ADAM18: variants seen among roughly 807,000 people sequenced by gnomAD.
The protein encoded by ADAM18 is disintegrin and metalloproteinase domain-containing protein 18.
A neutral mutation model predicts 94.4 loss-of-function variants in ADAM18; 117 were observed. The ratio of observed to expected loss-of-function variants is 1.24; its 90% confidence interval spans 1.07 to 1.45. ADAM18 has a LOEUF of 1.45. ADAM18 is among the 40% of genes most tolerant of loss of function. The probability of loss-of-function intolerance (pLI) is 0.00; values close to 1 mark genes in which losing one functional copy is unlikely to be tolerated. For synonymous variants in ADAM18, 327 were observed against 291.6 expected, an observed-to-expected ratio of 1.12 and a Z score of -1.24; for missense variants, 936 against 880.0, an observed-to-expected ratio of 1.06 and a Z score of -0.81.
intron 12 of ADAM18, among the ~76,000 whole-genome samples, chr8:39,654,155 T>G (rs900121025): frequency 2.1e-5 from 3 of 141,668 alleles, no homozygotes; most frequent in Non-Finnish European, 4.6e-5. Flanking sequence ...ATTTCATTCC[T>G]TTTTTTTTTT....
At chr8:39,593,876 T>C (rs1014541763) in intron 2 of ADAM18, among the ~76,000 whole-genome samples, 1 of 152,186 alleles carries the variant, frequency 6.6e-6, no homozygotes, top group Non-Finnish European at 1.5e-5. Flanking sequence ...TTCAATATTA[T>C]TGCTTTCAGC....
intron 5 of ADAM18, among the ~76,000 whole-genome samples, 194 bp from the exon 6 acceptor site, chr8:39,610,335 C>G (rs1470851168): frequency 6.6e-6 from 1 of 151,976 alleles, no homozygotes; most frequent in East Asian, 1.9e-4. Context: ...AAAATTTAAG[C>G]AAAACGAAGC....
chr8:39,609,352 T>C (rs1335085321), intron 4 of ADAM18, 133 bp from the exon 5 acceptor site: 12 of 702,004 alleles, frequency 1.7e-5, no homozygotes, highest in African/African-American at 7.2e-5. Context: ...TCTTTTTTTT[T>C]CTGAAAATAT....
intron 6 of ADAM18, among the ~76,000 whole-genome samples, chr8:39,612,862 A>G (rs570251235): frequency 6.6e-6 from 1 of 152,158 alleles, no homozygotes; most frequent in South Asian, 2.1e-4. Context: ...TCTTGCCAAC[A>G]TGCATGTGCT....
Position 39,703,693 on chromosome 8 carries a change from G to C in ADAM18, c.1903-3097G>C, listed in dbSNP as rs189537430. 5.3e-5 allele frequency among the ~76,000 whole-genome samples: 8 copies of C among 152,056 alleles called. 1 individual carries two copies. In the East Asian group the frequency reaches 7.7e-4, roughly 15 times the overall value. Reference sequence around the variant, plus strand: ...TTTATTGAGAGTTTTTAACTTGAAGGGATGTTGAATTTTATCAGAAGTCTT... The same window carrying C: ...TTTATTGAGAGTTTTTAACTTGAAGCGATGTTGAATTTTATCAGAAGTCTT... On this transcript the variant is annotated intron_variant, in intron 17 of 19. Coordinates refer to ENST00000265707, the MANE Select transcript of ADAM18 (RefSeq NM_014237.3).
intron 16 of ADAM18, 53 bp downstream of exon 16, chr8:39,680,279 A>G: frequency 6.7e-7 from 1 of 1,487,046 alleles, no homozygotes; most frequent in South Asian, 1.2e-5. Context: ...GTGAATTATC[A>G]GATACTGCAT....
chr8:39,628,786 CAT>C (rs1447921514), intron 6 of ADAM18, among the ~76,000 whole-genome samples: 1 of 151,980 alleles, frequency 6.6e-6, no homozygotes, highest in Non-Finnish European at 1.5e-5. Flanking sequence ...AGGTGATAAT[CAT>C]ATGAGTACAC....
chr8:39,687,494 G>A (rs915047566), intron 16 of ADAM18, among the ~76,000 whole-genome samples: 3 of 152,066 alleles, frequency 2.0e-5, no homozygotes, highest in South Asian at 2.1e-4. Context: ...AGGTTCAGGA[G>A]GCATATGTGC....
Position 39,629,421 on chromosome 8 carries a change from T to C in ADAM18, c.570T>C (p.Ile190=), listed in dbSNP as rs1819870787. 1 of 1,583,254 alleles carries C rather than the reference T, an allele frequency of 6.3e-7. No homozygotes were observed. Among genetic ancestry groups the C allele is most frequent in the Non-Finnish European group, 8.6e-7 (1 of 1,163,630 alleles). Residue 190 remains isoleucine (I), a synonymous_variant, in exon 7 of 20, where the codon ATT becomes ATC. Transcript: ENST00000265707. ...TACCCCAATATCTGGAAATATACAT[T>C]ATAGTGGAAAAAGCTTTGGTAAGTA... ...KLLPQYLEIY[I]IVEKALYDYM...
chr8:39,631,256 T>TA (rs1819924641), intron 7 of ADAM18, among the ~76,000 whole-genome samples: 1 of 151,998 alleles, frequency 6.6e-6, no homozygotes, highest in African/African-American at 2.4e-5. Flanking sequence ...CTTTTGTTTT[T>TA]AAGAAATATT....
At chr8:39,662,087 T>C (rs961656512) in intron 12 of ADAM18, among the ~76,000 whole-genome samples, 3 of 151,942 alleles carry the variant, frequency 2.0e-5, no homozygotes, top group Admixed American at 6.6e-5. Flanking sequence ...CAAATGCAAA[T>C]TTATGCACAA....
chr8:39,653,330 G>C (rs1820591619), intron 12 of ADAM18, among the ~76,000 whole-genome samples: 1 of 151,616 alleles, frequency 6.6e-6, no homozygotes, highest in African/African-American at 2.4e-5. Context: ...CAACAATAAT[G>C]GTCATTAAAG....
At chr8:39,691,323 C>A (rs1379480306) in intron 16 of ADAM18, among the ~76,000 whole-genome samples, 1 of 152,038 alleles carries the variant, frequency 6.6e-6, no homozygotes, top group Non-Finnish European at 1.5e-5. Context: ...CAAAAAGTAA[C>A]CCATGTTAGC....
chr8:39,691,536 T>C (rs1821780508), intron 16 of ADAM18, among the ~76,000 whole-genome samples: 1 of 152,092 alleles, frequency 6.6e-6, no homozygotes, highest in Non-Finnish European at 1.5e-5. Flanking sequence ...ACTCCCATGT[T>C]TATTGCCACA....
intron 12 of ADAM18, among the ~76,000 whole-genome samples, chr8:39,656,162 C>T (rs553775729): frequency 6.7e-6 from 1 of 150,214 alleles, no homozygotes; most frequent in Non-Finnish European, 1.5e-5. Context: ...TAAATGGAAA[C>T]ATGAAAGGCA....
At chr8:39,650,754 A>G (rs1442420139) in intron 12 of ADAM18, among the ~76,000 whole-genome samples, 1 of 152,186 alleles carries the variant, frequency 6.6e-6, no homozygotes, top group Non-Finnish European at 1.5e-5. Context: ...CAAAATCCCA[A>G]TAACATTTTG....
chr8:39,609,542 A>T lies in ADAM18; in HGVS notation c.325A>T (p.Ser109Cys). ...AEFPNSFVTL[S>C]ICSGLRGFLQ... ...ATTTCCAAATTCATTTGTGACACTC[A>T]GTATATGTTCTGGTCTCAGGTAATA... Residue 109 changes from serine (S) to cysteine (C), a missense_variant, in exon 5 of 20, where the codon AGT becomes TGT. Physicochemically the swap from Ser to Cys is moderately radical, Grantham distance 112. Transcript: ENST00000265707. The T allele has an allele frequency of 6.2e-7, 1 of 1,610,868 alleles. No individual in the cohort carries two copies. The highest frequency in any genetic ancestry group is 8.5e-7 in the Non-Finnish European group (1 of 1,177,882).
chr8:39,590,464 T>C (rs918363137), intron 2 of ADAM18, among the ~76,000 whole-genome samples: 14 of 152,172 alleles, frequency 9.2e-5, no homozygotes, highest in Admixed American at 5.9e-4. Context: ...AGGGATAGCA[T>C]TGGGAGATCT....
In ADAM18 at chr8:39,692,686, T is replaced by C; in HGVS notation, c.1902+6T>C. Reference sequence around the variant, plus strand: ...CAAAATGCAAAGGGAAAGGGGTAAGTCACTTTTGTATCTGAATTGCATGTT... The same window carrying C: ...CAAAATGCAAAGGGAAAGGGGTAAGCCACTTTTGTATCTGAATTGCATGTT... On this transcript the variant is annotated splice_donor_region_variant and intron_variant, in intron 17 of 19. Coordinates refer to ENST00000265707, the MANE Select transcript of ADAM18 (RefSeq NM_014237.3). 1 of 1,591,170 alleles carries C rather than the reference T, an allele frequency of 6.3e-7. No homozygotes were observed. Among genetic ancestry groups the C allele is most frequent in the Admixed American group, 1.7e-5 (1 of 58,182 alleles).
Sources: gnomAD v4.1 joint callset for allele counts (sites outside exome capture counted in the v4.1 genomes callset) on GRCh38, gnomAD v4.1.1 for gene constraint, MANE v1.5 for transcripts, NCBI Gene and HGNC (gene_info 2026-07-23, HGNC 2026-07-21) for gene names.